The following ITGA11 variants were observed in gnomAD, a reference collection of about 807,000 sequenced individuals.
ITGA11 encodes the protein integrin subunit alpha 11.
ITGA11 carries 97 observed loss-of-function variants against 141.9 expected under a neutral mutation model. The observed-to-expected ratio is 0.68, with a 90% CI of 0.58 to 0.81. ITGA11 has a LOEUF of 0.81. Ranked by LOEUF, ITGA11 falls within the 30% of genes least tolerant of loss-of-function variation. The probability of loss-of-function intolerance (pLI) is 0.00; values close to 1 mark genes in which losing one functional copy is unlikely to be tolerated. For synonymous variants in ITGA11, 658 were observed against 624.6 expected (o/e 1.05, Z -0.80); for missense variants, 1,387 against 1,559.2 (o/e 0.89, Z 1.86).
chr15:68,379,936 G>C (rs1044149194), intron 2 of ITGA11, among the ~76,000 whole-genome samples: 5 of 152,190 alleles, frequency 3.3e-5, no homozygotes, highest in Admixed American at 3.3e-4. Context: ...AGCATTTCCT[G>C]CTCTCTGATC....
At chr15:68,361,750 G>A (rs1567144500) in intron 4 of ITGA11, 46 bp from the exon 5 acceptor site, 1 of 1,345,020 alleles carries the variant, frequency 7.4e-7, no homozygotes, top group African/African-American at 1.4e-5. Flanking sequence ...GGACCTCAGA[G>A]AGGATCGAGG....
intron 3 of ITGA11, among the ~76,000 whole-genome samples, chr15:68,368,568 C>A (rs28634234): frequency 6.6e-6 from 1 of 152,182 alleles, no homozygotes; most frequent in African/African-American, 2.4e-5. Context: ...AGCTCTTTGG[C>A]GAGGAAAAGC....
chr15:68,368,425 G>T (rs994297080), intron 3 of ITGA11, among the ~76,000 whole-genome samples: 1 of 152,200 alleles, frequency 6.6e-6, no homozygotes, highest in Admixed American at 6.5e-5. Flanking sequence ...TGGTGTGTGT[G>T]CTTAGTGGAT....
intron 26 of ITGA11, 123 bp downstream of exon 26, chr15:68,310,871 C>T: frequency 2.8e-6 from 2 of 712,038 alleles, no homozygotes; most frequent in Non-Finnish European, 4.9e-6. Flanking sequence ...GGGCTGGGTA[C>T]ATACAGGTGC....
At position 68,321,554 on chromosome 15, in the gene ITGA11, C is replaced by A; in HGVS notation, c.2323-51G>T. 1 of 1,272,842 alleles carries A rather than the reference C, an allele frequency of 7.9e-7. No homozygotes were observed. Among genetic ancestry groups the A allele is most frequent in the Non-Finnish European group, 1.1e-6 (1 of 907,782 alleles). 78.8% of individuals were successfully genotyped at this position (1,272,842 alleles called of 1,614,324 possible). A position where few individuals can be genotyped will look rare whatever the true frequency, so the allele number is the denominator to read the frequency against. On this transcript the variant is annotated intron_variant, in intron 18 of 29. Transcript: ENST00000315757. The surrounding 1 kb of genome is among the most constrained non-coding windows in gnomAD (Gnocchi z 4.9). ...GCAGCTGGGTAGGGACCCGCAGCCC[C>A]TCGCCCTCAATGTACACCAGCTCTG...
chr15:68,311,150 C>G, intron 25 of ITGA11, 70 bp from the exon 26 acceptor site: 3 of 1,384,530 alleles, frequency 2.2e-6, no homozygotes, highest in Non-Finnish European at 3.0e-6. Context: ...CGCAGGATCC[C>G]AGAGAGGTTT....
intron 1 of ITGA11, among the ~76,000 whole-genome samples, chr15:68,405,528 T>A (rs1031903994): frequency 2.6e-5 from 4 of 152,118 alleles, no homozygotes; most frequent in Non-Finnish European, 5.9e-5. Context: ...AAGAAGAGTA[T>A]ATGAACCCGT....
In ITGA11 at chr15:68,321,658, A is replaced by T. The variant is rs1353813874; in HGVS notation, c.2323-155T>A. On this transcript the variant is annotated intron_variant, in intron 18 of 29. Coordinates refer to ENST00000315757, the MANE Select transcript of ITGA11 (RefSeq NM_001004439.2). This position sits in a 1 kb window ranked among gnomAD's most constrained non-coding sequence, Gnocchi z 4.9. ...ACTGCTCTGTCTTGTGCTTTTCCAT[A>T]GATGCTTCCCTCTTTAAAACGATGC... Among the ~76,000 whole-genome samples, 1 of 152,102 alleles carries T rather than the reference A, an allele frequency of 6.6e-6. No individual in the cohort carries two copies. The highest frequency in any genetic ancestry group is 1.5e-5 in the Non-Finnish European group (1 of 68,016).
At position 68,369,180 on chromosome 15, in the gene ITGA11, T is replaced by C; in HGVS notation, c.265+4A>G. ...ATTGTGAAGAGACCACCAGCCCACGTTACCCAGGTTGAGTTTGGTGCAGTT... is the reference window on the plus strand; with the variant it reads ...ATTGTGAAGAGACCACCAGCCCACGCTACCCAGGTTGAGTTTGGTGCAGTT... On this transcript the variant is annotated splice_donor_region_variant and intron_variant, in intron 3 of 29. Transcript: ENST00000315757. 6.2e-7 allele frequency: 1 copy of C among 1,610,076 alleles called. No homozygotes were observed. Among genetic ancestry groups the C allele is most frequent in the Non-Finnish European group, 8.5e-7 (1 of 1,176,372 alleles).
rs886885519 is a variant in ITGA11, at chr15:68,404,323, G to A, written c.53-1294C>T. On this transcript the variant is annotated intron_variant, in intron 1 of 29. Transcript: ENST00000315757. The stretch of plus-strand genomic sequence containing the variant: ...CTTCGGCAGGGGCTTCTGCTTGGCC[G>A]GGGCAGCTGAAGCGAGCACAGAAAA... Among the ~76,000 whole-genome samples the A allele has an allele frequency of 1.8e-4, 28 of 152,118 alleles. 1 individual carries two copies. The highest frequency in any genetic ancestry group is 3.2e-4 in the Non-Finnish European group (22 of 68,016).
At chr15:68,419,930 C>A (rs2140435210) in intron 1 of ITGA11, among the ~76,000 whole-genome samples, 1 of 152,260 alleles carries the variant, frequency 6.6e-6, no homozygotes. Context: ...AGTGTCGAGA[C>A]CAGTGTTGAA....
At chr15:68,344,159 C>T (rs1312580642) in intron 10 of ITGA11, among the ~76,000 whole-genome samples, 1 of 152,102 alleles carries the variant, frequency 6.6e-6, no homozygotes, top group Non-Finnish European at 1.5e-5. Flanking sequence ...AGACAACTCG[C>T]AAACCCTTGG....
chr15:68,302,921 A>G lies in ITGA11; in HGVS notation c.*138T>C, dbSNP rs3817330. 835 of 653,660 alleles carry G rather than the reference A, an allele frequency of 1.3e-3. 14 individuals carry two copies. In the East Asian group the frequency reaches 0.023, roughly 18 times the overall value. 40.5% of individuals were successfully genotyped at this position (653,660 alleles called of 1,614,324 possible). A position where few individuals can be genotyped will look rare whatever the true frequency, so the allele number is the denominator to read the frequency against. The stretch of plus-strand genomic sequence containing the variant: ...TTCCATTCTGGAGGGAGCAGGCGCC[A>G]TTGCTCGGGAGATGAGGTCAAGTGC... On this transcript the variant is annotated 3_prime_UTR_variant, in exon 30 of 30. Transcript: ENST00000315757.
intron 2 of ITGA11, among the ~76,000 whole-genome samples, chr15:68,401,339 A>G (rs1896506011): frequency 6.6e-6 from 1 of 152,168 alleles, no homozygotes; most frequent in South Asian, 2.1e-4. Context: ...CCTTTAACTC[A>G]GCAATTCTAT....
At chr15:68,413,604 T>C (rs897305289) in intron 1 of ITGA11, among the ~76,000 whole-genome samples, 1 of 152,164 alleles carries the variant, frequency 6.6e-6, no homozygotes, top group Non-Finnish European at 1.5e-5. Flanking sequence ...GGATGTCCAT[T>C]GAGAGCCCCG....
rs116664113 is a variant in ITGA11 at position 68,387,180 on chromosome 15, T to C, written c.164+15738A>G. Among the ~76,000 whole-genome samples the C allele has an allele frequency of 5.1e-3, 770 of 152,102 alleles. 7 individuals are homozygous for C. Among genetic ancestry groups the C allele is most frequent in the African/African-American group, 0.018 (742 of 41,474 alleles). Reference sequence around the variant, plus strand: ...GGGAGAGAGGGAAGGGGCCTCTGGGTGCATTACAAGAATGAAGTGTGAGCA... The same window carrying C: ...GGGAGAGAGGGAAGGGGCCTCTGGGCGCATTACAAGAATGAAGTGTGAGCA... On this transcript the variant is annotated intron_variant, in intron 2 of 29. Transcript: ENST00000315757.
At chr15:68,381,263 G>A (rs996653584) in intron 2 of ITGA11, among the ~76,000 whole-genome samples, 3 of 152,094 alleles carry the variant, frequency 2.0e-5, no homozygotes, top group Admixed American at 2.0e-4. Context: ...ACCTTTCACA[G>A]GTGATTCTGT....
intron 2 of ITGA11, among the ~76,000 whole-genome samples, chr15:68,399,095 A>G (rs1332790113): frequency 6.6e-6 from 1 of 152,044 alleles, no homozygotes; most frequent in East Asian, 1.9e-4. Flanking sequence ...ATATGGAAAC[A>G]TAAAGGATCT....
intron 10 of ITGA11, 74 bp downstream of exon 10, chr15:68,348,756 G>C: frequency 7.6e-7 from 1 of 1,323,544 alleles, no homozygotes; most frequent in South Asian, 1.3e-5. Flanking sequence ...GACAGATCCA[G>C]AGAGCTAGAA....
Sources: allele counts gnomAD v4.1 joint callset (sites outside exome capture counted in the v4.1 genomes callset), GRCh38; gene constraint gnomAD v4.1.1; non-coding constraint Gnocchi (gnomAD v3.1); transcripts MANE v1.5; gene names NCBI Gene and HGNC (gene_info 2026-07-23, HGNC 2026-07-21).